Variants in TRIM14 observed in about 807,000 individuals in gnomAD.
The protein encoded by TRIM14 is tripartite motif containing 14.
In TRIM14, 28 loss-of-function variants were observed where a neutral mutation model predicts 44.5. The ratio of observed to expected loss-of-function variants is 0.63; its 90% confidence interval spans 0.47 to 0.86. The LOEUF (loss-of-function observed/expected upper bound fraction) is 0.86. TRIM14 is among the 40% of genes least tolerant of loss of function. The pLI is 0.00. For missense variants in TRIM14, 607 were observed against 611.1 expected, an observed-to-expected ratio of 0.99 and a Z score of 0.07; for synonymous variants, 299 against 269.2, an observed-to-expected ratio of 1.11 and a Z score of -1.08.
At chr9:98,107,432 A>G (rs1826658296) in intron 2 of TRIM14, among the ~76,000 whole-genome samples, 1 of 152,198 alleles carries the variant, frequency 6.6e-6, no homozygotes, top group Non-Finnish European at 1.5e-5. Context: ...GTACATGCAT[A>G]CTATCGGATT....
the TRIM14 span, among the ~76,000 whole-genome samples, chr9:98,048,281 G>GA: frequency 1.1e-4 from 17 of 152,202 alleles, no homozygotes; most frequent in South Asian, 2.3e-3. Context: ...AATATTGGGG[G>GA]AATCCATTTT....
Position 98,087,998 on chromosome 9 carries a change from G to T in TRIM14, c.801C>A (p.Arg267=). ...TCGTGTCAGGATCCAGCGTGGGCGTGCGCGCGTCTGCAGGGGGCGAGACAA... is the reference window on the plus strand; with the variant it reads ...TCGTGTCAGGATCCAGCGTGGGCGTTCGCGCGTCTGCAGGGGGCGAGACAA... ...PERSLLLKYA[R]TPTLDPDTMH... is the part of the protein sequence containing the mutation. The change falls in exon 6 of 6, where the codon CGC becomes CGA. Residue 267 remains arginine, a synonymous_variant. Transcript: ENST00000341469. The T allele has an allele frequency of 6.5e-7, 1 of 1,540,940 alleles. No homozygotes were observed. The highest frequency in any genetic ancestry group is 2.6e-5 in the East Asian group (1 of 39,000).
chr9:98,115,142 T>C (rs1587979310), intron 1 of TRIM14, among the ~76,000 whole-genome samples: 1 of 152,068 alleles, frequency 6.6e-6, no homozygotes, highest in African/African-American at 2.4e-5. Flanking sequence ...CAGGCTGGAG[T>C]GCAGTGGCAT....
the TRIM14 span, among the ~76,000 whole-genome samples, chr9:98,038,562 C>A: frequency 6.6e-6 from 1 of 152,210 alleles, no homozygotes; most frequent in Admixed American, 6.5e-5. Flanking sequence ...ATGAGCCTAA[C>A]TTGCTTTCGT....
rs778435213 is a variant in TRIM14 at position 98,119,123 on chromosome 9, C to G, written c.66G>C (p.Trp22Cys). The G allele has an allele frequency of 4.4e-6, 7 of 1,587,306 alleles. No individual in the cohort carries two copies. The South Asian group carries it at 5.6e-5, about 13-fold the overall frequency. ...CGCGGTCGCCATGCTCCGGGCAGCG[C>G]CAGCCGCATCCCTCGACAAGCTCCG... is the stretch of plus-strand genomic sequence containing the variant. ...GRSELVEGCG[W>C]RCPEHGDRVA... Residue 22 changes from tryptophan (W) to cysteine (C), a missense_variant, in exon 1 of 6, where the codon TGG becomes TGC. Transcript: ENST00000341469.
downstream of TRIM14, among the ~76,000 whole-genome samples, chr9:98,083,269 C>T (rs1340814857): frequency 1.3e-5 from 2 of 152,166 alleles, no homozygotes; most frequent in African/African-American, 4.8e-5. Flanking sequence ...TCAAGTTGGC[C>T]AGCTTAGTGC....
At chr9:98,080,730 C>A, downstream of TRIM14, 1 of 1,454,056 alleles carries the variant, frequency 6.9e-7, no homozygotes, top group Non-Finnish European at 9.2e-7. Context: ...GTGGCTAAAC[C>A]GGGGCTCAAC....
chr9:98,079,645 C>G (rs542428362), downstream of TRIM14, among the ~76,000 whole-genome samples: 1 of 152,190 alleles, frequency 6.6e-6, no homozygotes. Context: ...CCCCTGCACT[C>G]CCATCCCACA....
the TRIM14 span, among the ~76,000 whole-genome samples, chr9:98,059,085 G>T: frequency 6.6e-6 from 1 of 150,472 alleles, no homozygotes; most frequent in African/African-American, 2.5e-5. Flanking sequence ...GTGCAGTGGC[G>T]TGATCTCGGC....
intron 6 of TRIM14, among the ~76,000 whole-genome samples, chr9:98,071,821 T>A (rs1199085061): frequency 6.6e-6 from 1 of 152,182 alleles, no homozygotes; most frequent in African/African-American, 2.4e-5. Flanking sequence ...CTTTTCTGCT[T>A]CCGTCCACGT....
the TRIM14 span, among the ~76,000 whole-genome samples, chr9:98,047,015 GC>G: frequency 6.6e-6 from 1 of 152,106 alleles, no homozygotes; most frequent in Non-Finnish European, 1.5e-5. Context: ...CAGTATCACT[GC>G]AATGGGTGGG....
intron 2 of TRIM14, among the ~76,000 whole-genome samples, chr9:98,101,393 T>C (rs183433703): frequency 2.0e-5 from 3 of 152,228 alleles, no homozygotes; most frequent in Admixed American, 6.5e-5. Context: ...TATTGGTACT[T>C]CGCTTTTAGA....
At position 98,119,179 on chromosome 9, in the gene TRIM14, C is replaced by T; in HGVS notation, c.10G>A (p.Ala4Thr). 1 of 1,573,894 alleles carries T rather than the reference C, an allele frequency of 6.4e-7. No homozygotes were observed. Among genetic ancestry groups the T allele is most frequent in the Non-Finnish European group, 8.5e-7 (1 of 1,170,410 alleles). The change falls in exon 1 of 6, where the codon GCG becomes ACG. Residue 4 changes from alanine (A) to threonine (T), a missense_variant. Coordinates refer to ENST00000341469, the MANE Select transcript of TRIM14 (RefSeq NM_014788.4). ...CCAGGGGTCCGGCTCCCGGTCGCCG[C>T]GCCCGCCATTCATCTCCACCTCCTC... Reference protein sequence around the residue: MAGAATGSRTPGRS... With the variant: MAGTATGSRTPGRS...
chr9:98,092,355 C>T (rs185840318), intron 4 of TRIM14: 67 of 211,036 alleles, frequency 3.2e-4, no homozygotes, highest in African/African-American at 1.5e-3. Context: ...GGAGGGGAGT[C>T]TATCCCAACA....
chr9:98,055,178 C>T, the TRIM14 span, among the ~76,000 whole-genome samples: 2 of 152,180 alleles, frequency 1.3e-5, no homozygotes, highest in African/African-American at 4.8e-5. Flanking sequence ...CACCACCATA[C>T]CTGGCTCATT....
At chr9:98,105,593 CA>C (rs894112432) in intron 2 of TRIM14, among the ~76,000 whole-genome samples, 5 of 152,064 alleles carry the variant, frequency 3.3e-5, no homozygotes, top group Non-Finnish European at 5.9e-5. Context: ...AACAAACAAA[CA>C]AACAAAAAAA....
At chr9:98,081,804 C>T (rs1039448555), downstream of TRIM14, 7 of 152,186 alleles carry the variant, frequency 4.6e-5, no homozygotes, top group East Asian at 1.9e-4. Context: ...CTGTTGTCAC[C>T]TTTTATTCTA....
intron 1 of TRIM14, among the ~76,000 whole-genome samples, chr9:98,113,328 A>G (rs1250034007): frequency 6.6e-6 from 1 of 152,090 alleles, no homozygotes; most frequent in Non-Finnish European, 1.5e-5. Context: ...CTGAAATTGG[A>G]TGATAGATAA....
At chr9:98,048,260 A>G in the TRIM14 span, among the ~76,000 whole-genome samples, 1 of 152,166 alleles carries the variant, frequency 6.6e-6, no homozygotes, top group Non-Finnish European at 1.5e-5. Context: ...TGGTCTAAAA[A>G]TGAAACCCTT....
Sources: allele counts gnomAD v4.1 joint callset (sites outside exome capture counted in the v4.1 genomes callset), GRCh38; gene constraint gnomAD v4.1.1; transcripts MANE v1.5; gene names NCBI Gene and HGNC (gene_info 2026-07-23, HGNC 2026-07-21).